The following PON1 variants were observed in gnomAD, a reference collection of about 807,000 sequenced individuals.
PON1 encodes the protein paraoxonase 1.
A neutral mutation model predicts 39.2 loss-of-function variants in PON1; 37 were observed. That is an observed-to-expected ratio of 0.94 (90% CI 0.73 to 1.24). PON1 has a LOEUF of 1.24. Ranked by LOEUF, PON1 falls within the 50% of genes most tolerant of loss-of-function variation. PON1 has a pLI of 0.00. For missense variants in PON1, 397 were observed against 413.5 expected (o/e 0.96, Z 0.35); for synonymous variants, 148 against 152.2 (o/e 0.97, Z 0.21).
At position 95,298,398 on chromosome 7, in the gene PON1, T is replaced by C. The variant is rs1474278986; in HGVS notation, c.*546A>G. 6.0e-6 allele frequency: 1 copy of C among 165,772 alleles called. No homozygotes were observed. The highest frequency in any genetic ancestry group is 1.5e-4 in the East Asian group (1 of 6,500). 10.3% of individuals were successfully genotyped at this position (165,772 alleles called of 1,614,324 possible). A position where few individuals can be genotyped will look rare whatever the true frequency, so the allele number is the denominator to read the frequency against. ...TAATATTTACTGAGAAAAAGTCATA[T>C]ATCGAAGGGAAAATGGGAGTAAGTA... On this transcript the variant is annotated 3_prime_UTR_variant, in exon 9 of 9. Transcript: ENST00000222381.
At chr7:95,308,260 A>G (rs372509316) in intron 5 of PON1, 49 bp from the exon 6 acceptor site, 14 of 1,538,352 alleles carry the variant, frequency 9.1e-6, no homozygotes, top group Non-Finnish European at 1.3e-5. Flanking sequence ...GGTATTGAAC[A>G]TTACAGGATT....
rs752296544 is a variant in PON1, at chr7:95,299,015, C to T, written c.997G>A (p.Val333Ile). 1 of 1,614,008 alleles carries T rather than the reference C, an allele frequency of 6.2e-7. No homozygotes were observed. The highest frequency in any genetic ancestry group is 1.3e-5 in the African/African-American group (1 of 74,932). The stretch of plus-strand genomic sequence containing the variant: ...AGTTTCCCTTTGTACACAGAGGCAA[C>T]TGTACTGCCTTGCAACACTGTGCCA... ...ENGTVLQGSTVASVYKGKLLI... is the reference protein window; with the variant it reads ...ENGTVLQGSTIASVYKGKLLI... Residue 333 changes from valine to isoleucine, a missense_variant, in exon 9 of 9, where the codon GTT (valine) becomes ATT (isoleucine). By Grantham distance (29) the Val-to-Ile change is conservative. Transcript: ENST00000222381.
chr7:95,311,642 A>G (rs1807657903), intron 4 of PON1, 65 bp from the exon 5 acceptor site: 3 of 1,589,932 alleles, frequency 1.9e-6, no homozygotes, highest in Non-Finnish European at 2.6e-6. Flanking sequence ...CCTCTCTCCA[A>G]AAACCAATTT....
At chr7:95,307,883 A>AT in intron 6 of PON1, 128 bp downstream of exon 6, 1 of 975,006 alleles carries the variant, frequency 1.0e-6, no homozygotes, top group Non-Finnish European at 1.6e-6. Context: ...GACATTTTAC[A>AT]TTTTTCCTAA....
chr7:95,301,236 C>T (rs1005128360), intron 8 of PON1, among the ~76,000 whole-genome samples: 1 of 151,966 alleles, frequency 6.6e-6, no homozygotes. Flanking sequence ...GAATAAAGAC[C>T]GTGGACAAAA....
At position 95,298,094 on chromosome 7, in the gene PON1, C is replaced by T. The variant is rs1221491950; in HGVS notation, c.*850G>A. 1 of 152,112 alleles carries T rather than the reference C, an allele frequency of 6.6e-6. No homozygotes were observed. Among genetic ancestry groups the T allele is most frequent in the Non-Finnish European group, 1.5e-5 (1 of 68,034 alleles). The allele number at this position is 152,112 out of a possible 1,614,324, so 9.4% of individuals were successfully genotyped here. On this transcript the variant is annotated 3_prime_UTR_variant, in exon 9 of 9. Coordinates refer to ENST00000222381, the MANE Select transcript of PON1 (RefSeq NM_000446.7). Reference sequence around the variant, plus strand: ...AGTTTAAATATTAAACAAAAACCCACCAGCACTACCACCACCTCAACAACA... The same window carrying T: ...AGTTTAAATATTAAACAAAAACCCATCAGCACTACCACCACCTCAACAACA...
chr7:95,308,768 G>T (rs939616650), intron 5 of PON1, among the ~76,000 whole-genome samples: 2 of 152,060 alleles, frequency 1.3e-5, no homozygotes, highest in African/African-American at 4.8e-5. Flanking sequence ...GTGAAAGCAG[G>T]ATGATAGACT....
At chr7:95,315,542 C>G (rs1264290487) in intron 3 of PON1, 52 bp from the exon 4 acceptor site, 1 of 1,570,492 alleles carries the variant, frequency 6.4e-7, no homozygotes, top group South Asian at 1.1e-5. Flanking sequence ...ACTTCAAATG[C>G]TAATAGAGGC....
chr7:95,322,328 GTA>G (rs1322088717), intron 1 of PON1, among the ~76,000 whole-genome samples: 54 of 32,768 alleles, frequency 1.6e-3, no homozygotes, highest in South Asian at 3.8e-3. Flanking sequence ...ATAAATATAT[GTA>G]TGTGTGTGTG....
intron 5 of PON1, among the ~76,000 whole-genome samples, chr7:95,309,193 G>T (rs774178455): frequency 6.6e-6 from 1 of 152,090 alleles, no homozygotes; most frequent in Non-Finnish European, 1.5e-5. Flanking sequence ...AAAACTAAGG[G>T]TCAGGATCTT....
At chr7:95,303,405 C>T (rs3917560) in intron 7 of PON1, among the ~76,000 whole-genome samples, 77 of 152,218 alleles carry the variant, frequency 5.1e-4, no homozygotes, top group African/African-American at 1.7e-3. Flanking sequence ...CAGCACACCA[C>T]TCTGATACCA....
chr7:95,310,634 C>A (rs1309341118), intron 5 of PON1, among the ~76,000 whole-genome samples: 1 of 152,126 alleles, frequency 6.6e-6, no homozygotes, highest in African/African-American at 2.4e-5. Flanking sequence ...GGAAGGGGTC[C>A]TGGTAACACA....
intron 5 of PON1, among the ~76,000 whole-genome samples, chr7:95,308,924 T>G (rs1276100403): frequency 6.6e-6 from 1 of 151,896 alleles, no homozygotes; most frequent in Non-Finnish European, 1.5e-5. Context: ...GATATATGAG[T>G]CTATTTTTCT....
At chr7:95,301,751 C>G (rs1054323849) in intron 8 of PON1, among the ~76,000 whole-genome samples, 1 of 152,042 alleles carries the variant, frequency 6.6e-6, no homozygotes, top group Admixed American at 6.6e-5. Flanking sequence ...CATTTCTGAT[C>G]ATTTGGATCA....
intron 7 of PON1, among the ~76,000 whole-genome samples, chr7:95,303,521 A>G (rs2116301657): frequency 6.6e-6 from 1 of 152,258 alleles, no homozygotes; most frequent in Non-Finnish European, 1.5e-5. Flanking sequence ...CTGAGATGAG[A>G]GTGGGAGTGG....
intron 1 of PON1, 141 bp downstream of exon 1, chr7:95,324,261 A>G (rs1807963228): frequency 2.5e-6 from 2 of 786,230 alleles, no homozygotes; most frequent in East Asian, 2.7e-5. Context: ...ACAAACATTT[A>G]TGAAACCCCC....
chr7:95,311,334 G>T, intron 5 of PON1, 117 bp downstream of exon 5: 2 of 1,274,020 alleles, frequency 1.6e-6, no homozygotes, highest in Non-Finnish European at 1.1e-6. Flanking sequence ...AGGAGTTTGT[G>T]ATCATTAGAA....
At chr7:95,302,096 C>CAAAAAAAAAAAAAAAAAAAAAAAAAA (rs770841829) in intron 8 of PON1, 109 bp downstream of exon 8, 2 of 322,038 alleles carry the variant, frequency 6.2e-6, no homozygotes, top group Non-Finnish European at 1.0e-5. Context: ...TACTCTGTCA[C>CAAAAAAAAAAAAAAAAAAAAAAAAAA]AAAAAAAAAA....
chr7:95,301,020 C>CT (rs3216251), intron 8 of PON1, among the ~76,000 whole-genome samples: 116 of 148,696 alleles, frequency 7.8e-4, no homozygotes, highest in Admixed American at 3.2e-3. Flanking sequence ...GGCTTTAACA[C>CT]TTTTTTTTTT....
Sources: allele counts gnomAD v4.1 joint callset (sites outside exome capture counted in the v4.1 genomes callset), GRCh38; gene constraint gnomAD v4.1.1; transcripts MANE v1.5; gene names NCBI Gene and HGNC (gene_info 2026-07-23, HGNC 2026-07-21).